NDUFV2: variants seen among roughly 807,000 people sequenced by gnomAD.
The protein encoded by NDUFV2 is NADH dehydrogenase [ubiquinone] flavoprotein 2, mitochondrial.
A neutral mutation model predicts 31.6 loss-of-function variants in NDUFV2; 18 were observed. The observed-to-expected ratio is 0.57, with a 90% CI of 0.39 to 0.84. NDUFV2 has a LOEUF of 0.84. NDUFV2 is among the 40% of genes least tolerant of loss of function. NDUFV2 has a pLI of 0.00. For missense variants in NDUFV2, 314 were observed against 303.6 expected (o/e 1.03, Z -0.26); for synonymous variants, 83 against 99.8 (o/e 0.83, Z 1.01).
At chr18:9,116,913 G>C (rs2077901039) in intron 1 of NDUFV2, among the ~76,000 whole-genome samples, 1 of 152,150 alleles carries the variant, frequency 6.6e-6, no homozygotes, top group Admixed American at 6.5e-5. Context: ...GGACAGGGTA[G>C]GAGTGGAGGG....
At chr18:9,118,680 G>A (rs1329202557) in intron 2 of NDUFV2, among the ~76,000 whole-genome samples, 1 of 152,088 alleles carries the variant, frequency 6.6e-6, no homozygotes, top group Non-Finnish European at 1.5e-5. Flanking sequence ...GTTAATCTCA[G>A]TGTGACTCAT....
chr18:9,115,371 CAT>C (rs1164191181), intron 1 of NDUFV2, among the ~76,000 whole-genome samples: 4 of 151,858 alleles, frequency 2.6e-5, no homozygotes, highest in Non-Finnish European at 5.9e-5. Flanking sequence ...ATTTTTACGA[CAT>C]ATTTTTGTTA....
At chr18:9,114,332 C>T (rs900697069) in intron 1 of NDUFV2, among the ~76,000 whole-genome samples, 7 of 151,544 alleles carry the variant, frequency 4.6e-5, no homozygotes, top group African/African-American at 1.7e-4. Flanking sequence ...TAATTATGTG[C>T]AAATGCAAGA....
chr18:9,124,097 A>T (rs922559913), intron 5 of NDUFV2, among the ~76,000 whole-genome samples: 2 of 152,162 alleles, frequency 1.3e-5, no homozygotes, highest in African/African-American at 4.8e-5. Context: ...ATAACAGTAA[A>T]CACTGGTGAT....
At chr18:9,104,211 C>T (rs770345976) in intron 1 of NDUFV2, 6 of 1,612,528 alleles carry the variant, frequency 3.7e-6, no homozygotes, top group Admixed American at 3.3e-5. Flanking sequence ...GAGAAGCCAC[C>T]CTCTGCTGTT....
intron 5 of NDUFV2, among the ~76,000 whole-genome samples, chr18:9,124,323 A>G (rs534963084): frequency 3.0e-4 from 46 of 150,982 alleles, no homozygotes; most frequent in African/African-American, 1.0e-3. Context: ...GTGTCTCCCT[A>G]TGTTGCCCAG....
chr18:9,108,456 C>T (rs1363377600), intron 1 of NDUFV2, among the ~76,000 whole-genome samples: 1 of 152,052 alleles, frequency 6.6e-6, no homozygotes, highest in East Asian at 1.9e-4. Flanking sequence ...AGTTTTTCCC[C>T]CTTCTTTGAG....
chr18:9,121,783 C>G (rs2077937823), intron 4 of NDUFV2, among the ~76,000 whole-genome samples: 1 of 152,110 alleles, frequency 6.6e-6, no homozygotes, highest in African/African-American at 2.4e-5. Context: ...GTTAGTGATC[C>G]CCTTAGTCCT....
intron 1 of NDUFV2, among the ~76,000 whole-genome samples, chr18:9,110,732 C>A (rs1466235922): frequency 6.6e-6 from 1 of 152,116 alleles, no homozygotes; most frequent in African/African-American, 2.4e-5. Context: ...GATATCAAAC[C>A]CCTGGCTTCA....
At position 9,119,368 on chromosome 18, in the gene NDUFV2, T is replaced by G. The variant is rs926298501; in HGVS notation, c.163T>G (p.Phe55Val). 2.2e-5 allele frequency: 36 copies of G among 1,612,716 alleles called. No homozygotes were observed. The highest frequency in any genetic ancestry group is 3.0e-5 in the Non-Finnish European group (35 of 1,178,912). ...PENNPDTPFD[F>V]TPENYKRIEA... is the part of the protein sequence containing the mutation. The stretch of plus-strand genomic sequence containing the variant: ...GAATAACCCTGATACTCCATTTGAT[T>G]TCACACCAGAAAACTATAAGGTATG... Residue 55 changes from phenylalanine (F) to valine (V), a missense_variant, in exon 3 of 8, where the codon TTC (phenylalanine) becomes GTC (valine). Phe to Val is a conservative substitution (Grantham distance 50). Transcript: ENST00000318388.
intron 1 of NDUFV2, chr18:9,104,219 G>T (rs370926679): frequency 6.2e-7 from 1 of 1,612,744 alleles, no homozygotes; most frequent in African/African-American, 1.3e-5. Context: ...ACCCTCTGCT[G>T]TTGGAGGTAA....
At chr18:9,104,050 A>AG in intron 1 of NDUFV2, 1 of 1,172,354 alleles carries the variant, frequency 8.5e-7, no homozygotes, top group Admixed American at 2.2e-5. Flanking sequence ...GTACAGTGTT[A>AG]GAGAGATGAA....
Position 9,122,559 on chromosome 18 carries a change from C to G in NDUFV2, c.347C>G (p.Ala116Gly), listed in dbSNP as rs1276116677. The G allele has an allele frequency of 2.5e-6, 4 of 1,613,964 alleles. No homozygotes were observed. The highest frequency in any genetic ancestry group is 1.1e-5 in the South Asian group (1 of 91,080). The change falls in exon 5 of 8, where the codon GCA becomes GGA. Residue 116 changes from alanine (A) to glycine (G), a missense_variant. Ala to Gly is a moderately conservative substitution (Grantham distance 60). Coordinates refer to ENST00000318388, the MANE Select transcript of NDUFV2 (RefSeq NM_021074.5). Reference protein sequence around the residue: ...QVPPMRVYEVATFYTMYNRKP... With the variant: ...QVPPMRVYEVGTFYTMYNRKP... ...CCTCCAATGAGAGTATATGAAGTAG[C>G]AACTTTTTATACAATGTATAATCGA... is the stretch of plus-strand genomic sequence containing the variant.
intron 7 of NDUFV2, among the ~76,000 whole-genome samples, chr18:9,129,480 A>G (rs1471528721): frequency 6.6e-6 from 1 of 152,226 alleles, no homozygotes; most frequent in Non-Finnish European, 1.5e-5. Context: ...GTTCTCATAT[A>G]TCTTCTAGTG....
At chr18:9,121,031 T>A (rs1439544343) in intron 4 of NDUFV2, among the ~76,000 whole-genome samples, 1 of 152,084 alleles carries the variant, frequency 6.6e-6, no homozygotes, top group African/African-American at 2.4e-5. Flanking sequence ...GTGGGAGGAT[T>A]GCTTGAGCTT....
intron 5 of NDUFV2, among the ~76,000 whole-genome samples, chr18:9,123,005 G>A (rs572479358): frequency 2.0e-5 from 3 of 152,088 alleles, no homozygotes; most frequent in African/African-American, 7.2e-5. Flanking sequence ...GACAGCATGT[G>A]GTATATTAAA....
chr18:9,130,611 T>C (rs1598353380), intron 7 of NDUFV2, among the ~76,000 whole-genome samples: 1 of 152,208 alleles, frequency 6.6e-6, no homozygotes, highest in Non-Finnish European at 1.5e-5. Flanking sequence ...CTTGGATATA[T>C]AGGATAATGA....
At chr18:9,106,696 T>C (rs1449366625) in intron 1 of NDUFV2, among the ~76,000 whole-genome samples, 1 of 152,150 alleles carries the variant, frequency 6.6e-6, no homozygotes, top group African/African-American at 2.4e-5. Context: ...CATAAAACAT[T>C]ATATTTTTAA....
intron 6 of NDUFV2, among the ~76,000 whole-genome samples, chr18:9,125,424 AC>A (rs2077980799): frequency 6.6e-6 from 1 of 152,150 alleles, no homozygotes; most frequent in South Asian, 2.1e-4. Context: ...ATGCAGCTAT[AC>A]TAATATGTTG....
Sources: gnomAD v4.1 joint callset for allele counts (sites outside exome capture counted in the v4.1 genomes callset) on GRCh38, gnomAD v4.1.1 for gene constraint, MANE v1.5 for transcripts, NCBI Gene and HGNC (gene_info 2026-07-23, HGNC 2026-07-21) for gene names.